TTR: variants seen among roughly 807,000 people sequenced by gnomAD.
TTR encodes the protein epididymis luminal protein 111.
In TTR, 8 loss-of-function variants were observed where a neutral mutation model predicts 13.7. The ratio of observed to expected loss-of-function variants is 0.58; its 90% CI spans 0.34 to 1.05. TTR has a LOEUF of 1.05. Among genes scored for constraint, TTR ranks in the 50% least tolerant of loss-of-function variants. The pLI is 0.02. For synonymous variants in TTR, 75 were observed against 71.7 expected, an observed-to-expected ratio of 1.05 and a Z score of -0.23; for missense variants, 135 against 185.5, an observed-to-expected ratio of 0.73 and a Z score of 1.58.
intron 3 of TTR, among the ~76,000 whole-genome samples, chr18:31,597,558 C>T (rs2144412731): frequency 6.6e-6 from 1 of 152,322 alleles, no homozygotes; most frequent in Non-Finnish European, 1.5e-5. Flanking sequence ...ATGGCTCACT[C>T]AGATCCTTTT....
chr18:31,596,412 A>G (rs2073516823), intron 3 of TTR, among the ~76,000 whole-genome samples: 1 of 152,118 alleles, frequency 6.6e-6, no homozygotes, highest in African/African-American at 2.4e-5. Flanking sequence ...CTCAGCCAGC[A>G]GCAAGACATG....
At chr18:31,598,010 G>T (rs553220920) in intron 3 of TTR, 2 of 187,766 alleles carry the variant, frequency 1.1e-5, no homozygotes, top group East Asian at 2.5e-4. Context: ...GTTAGAAAAT[G>T]CAAAGAATAG....
rs967376696 is a variant in TTR, at chr18:31,593,125, C to T, written c.200+99C>T. 6.4e-6 allele frequency: 10 copies of T among 1,573,200 alleles called. No individual in the cohort carries two copies. In the Admixed American group the frequency reaches 1.4e-4, roughly 21 times the overall value. On this transcript the variant is annotated intron_variant, in intron 2 of 3. Transcript: ENST00000237014. ...CTCACATCATCTGCTAAAGAATTTA[C>T]AAGTAGATTGAAAAACGTAGGCAGA...
Position 31,598,810 on chromosome 18 carries a change from C to T in TTR, c.*135C>T, listed in dbSNP as rs537481434. On this transcript the variant is annotated 3_prime_UTR_variant, in exon 4 of 4. Coordinates refer to ENST00000237014, the MANE Select transcript of TTR (RefSeq NM_000371.4). ...TCCAGGCAGAGACAATAAAACATTCCTGTGAAAGGCACTTTTCATTCCACT... is the reference window on the plus strand; with the variant it reads ...TCCAGGCAGAGACAATAAAACATTCTTGTGAAAGGCACTTTTCATTCCACT... 21 of 890,294 alleles carry T rather than the reference C, an allele frequency of 2.4e-5. No homozygotes were observed. Among genetic ancestry groups the T allele is most frequent in the Non-Finnish European group, 3.6e-5 (20 of 557,398 alleles). The allele number at this position is 890,294 out of a possible 1,614,324, so 55.1% of individuals were successfully genotyped here. A position where few individuals can be genotyped will look rare whatever the true frequency, so the allele number is the denominator to read the frequency against.
rs190504111 is a variant in TTR at position 31,598,556 on chromosome 18, C to T, written c.337-12C>T. On this transcript the variant is annotated splice_polypyrimidine_tract_variant and intron_variant, in intron 3 of 3. Coordinates refer to ENST00000237014, the MANE Select transcript of TTR (RefSeq NM_000371.4). ...CTCTGGTGGAAATGGATCTGTCTGT[C>T]TTCTCTCATAGGTGGTATTCACAGC... 2 of 1,613,944 alleles carry T rather than the reference C, an allele frequency of 1.2e-6. No individual in the cohort carries two copies. Among genetic ancestry groups the T allele is most frequent in the East Asian group, 2.2e-5 (1 of 44,858 alleles).
At chr18:31,593,693 TC>T (rs2073499320) in intron 2 of TTR, 1 of 152,174 alleles carries the variant, frequency 6.6e-6, no homozygotes, top group African/African-American at 2.4e-5. Flanking sequence ...CCCAGGCTAA[TC>T]CCACGATCAC....
Position 31,598,565 on chromosome 18 carries a change from T to C in TTR, c.337-3T>C, listed in dbSNP as rs774027595. On this transcript the variant is annotated splice_region_variant and splice_polypyrimidine_tract_variant and intron_variant, in intron 3 of 3. Coordinates refer to ENST00000237014, the MANE Select transcript of TTR (RefSeq NM_000371.4). ...AAATGGATCTGTCTGTCTTCTCTCA[T>C]AGGTGGTATTCACAGCCAACGACTC... The C allele has an allele frequency of 2.8e-5, 45 of 1,614,054 alleles. No homozygotes were observed. The highest frequency in any genetic ancestry group is 3.6e-5 in the Non-Finnish European group (43 of 1,180,036).
chr18:31,598,384 G>T (rs1207370790), intron 3 of TTR, 184 bp from the exon 4 acceptor site: 2 of 714,738 alleles, frequency 2.8e-6, no homozygotes, highest in Non-Finnish European at 5.0e-6. Context: ...TAAGGACTGT[G>T]CATGGTTCCA....
At chr18:31,593,223 T>C in intron 2 of TTR, 197 bp downstream of exon 2, 1 of 629,748 alleles carries the variant, frequency 1.6e-6, no homozygotes. Context: ...AACCTGAGCA[T>C]CATTTAGGGG....
rs1340627860 is a variant in TTR, at chr18:31,593,012, G to A, written c.186G>A (p.Glu62=). 2 of 1,614,008 alleles carry A rather than the reference G, an allele frequency of 1.2e-6. No individual in the cohort carries two copies. Among genetic ancestry groups the A allele is most frequent in the East Asian group, 2.2e-5 (1 of 44,868 alleles). The change falls in exon 2 of 4, where the codon GAG becomes GAA. Residue 62 remains glutamate (E), a synonymous_variant. Coordinates refer to ENST00000237014, the MANE Select transcript of TTR (RefSeq NM_000371.4). The part of the protein sequence containing the change: ...VFRKAADDTW[E]PFASGKTSES... ...GAAAGGCTGCTGATGACACCTGGGA[G>A]CCATTTGCCTCTGGGTAAGTTGCCA...
At position 31,595,117 on chromosome 18, in the gene TTR, T is replaced by C. The variant is rs2073510064; in HGVS notation, c.201-3T>C. The C allele has an allele frequency of 6.2e-6, 10 of 1,614,078 alleles. No individual in the cohort carries two copies. Among genetic ancestry groups the C allele is most frequent in the Non-Finnish European group, 8.5e-6 (10 of 1,179,998 alleles). On this transcript the variant is annotated splice_polypyrimidine_tract_variant and splice_region_variant and intron_variant, in intron 2 of 3. Transcript: ENST00000237014. ...ACTTAATCCAGACTTTCACACCTTA[T>C]AGGAAAACCAGTGAGTCTGGAGAGC... is the stretch of plus-strand genomic sequence containing the variant.
intron 3 of TTR, chr18:31,595,576 C>A: frequency 4.6e-6 from 2 of 432,424 alleles, no homozygotes; most frequent in Non-Finnish European, 4.4e-6. Context: ...CCAGACCCCA[C>A]GTAGAGTGTA....
chr18:31,595,369 A>G, intron 3 of TTR, 114 bp downstream of exon 3: 1 of 1,428,250 alleles, frequency 7.0e-7, no homozygotes, highest in Non-Finnish European at 9.8e-7. Context: ...AAGGTGATGA[A>G]TGACCAAAGG....
In TTR at chr18:31,591,956, T is replaced by C. The variant is rs1349724236; in HGVS notation, c.54T>C (p.Ser18=). 1 of 1,614,154 alleles carries C rather than the reference T, an allele frequency of 6.2e-7. No individual in the cohort carries two copies. The highest frequency in any genetic ancestry group is 8.5e-7 in the Non-Finnish European group (1 of 1,180,002). ...GCCTTGCTGGACTGGTATTTGTGTCTGAGGCTGGCCCTACGGTGAGTGTTT... is the reference window on the plus strand; with the variant it reads ...GCCTTGCTGGACTGGTATTTGTGTCCGAGGCTGGCCCTACGGTGAGTGTTT... The part of the protein sequence containing the change: ...LLCLAGLVFV[S]EAGPTGTGES... The change falls in exon 1 of 4, where the codon TCT becomes TCC. Residue 18 remains serine, a synonymous_variant. Transcript: ENST00000237014.
Position 31,592,434 on chromosome 18 carries a change from C to G in TTR, c.70-462C>G, listed in dbSNP as rs575460454. ...GTCAGATATCTAATTCTTAAATCCT[C>G]TAGAAGAATTAACTAATACTATAAA... On this transcript the variant is annotated intron_variant, in intron 1 of 3. Coordinates refer to ENST00000237014, the MANE Select transcript of TTR (RefSeq NM_000371.4). Among the ~76,000 whole-genome samples, 5 of 152,312 alleles carry G rather than the reference C, an allele frequency of 3.3e-5. No individual in the cohort carries two copies. The South Asian group carries it at 6.2e-4, about 19-fold the overall frequency.
Position 31,598,676 on chromosome 18 carries a change from G to A in TTR, c.*1G>A, listed in dbSNP as rs1269882546. ...TGTCGTCACCAATCCCAAGGAATGA[G>A]GGACTTCTCCTCCAGTGGACCTGAA... On this transcript the variant is annotated 3_prime_UTR_variant, in exon 4 of 4. Transcript: ENST00000237014. 2 of 1,613,966 alleles carry A rather than the reference G, an allele frequency of 1.2e-6. No homozygotes were observed. Among genetic ancestry groups the A allele is most frequent in the East Asian group, 2.2e-5 (1 of 44,868 alleles).
At chr18:31,592,055 C>A in intron 1 of TTR, 84 bp downstream of exon 1, 1 of 1,436,080 alleles carries the variant, frequency 7.0e-7, no homozygotes, top group South Asian at 1.1e-5. Context: ...CTTTGCCAAC[C>A]AGCTTTTATT....
At chr18:31,595,605 A>G (rs2144410140) in intron 3 of TTR, 1 of 381,056 alleles carries the variant, frequency 2.6e-6, no homozygotes, top group Middle Eastern at 8.3e-4. Context: ...GAGATGCACC[A>G]TTTTATTTCT....
chr18:31,596,761 G>A (rs1341274370), intron 3 of TTR, among the ~76,000 whole-genome samples: 1 of 152,150 alleles, frequency 6.6e-6, no homozygotes, highest in Non-Finnish European at 1.5e-5. Context: ...CCTTGGAATG[G>A]AAGGGAAAGG....
Sources: gnomAD v4.1 joint callset for allele counts (sites outside exome capture counted in the v4.1 genomes callset) on GRCh38, gnomAD v4.1.1 for gene constraint, MANE v1.5 for transcripts, NCBI Gene and HGNC (gene_info 2026-07-23, HGNC 2026-07-21) for gene names.